The following NUB1 variants were observed in gnomAD, a reference collection of about 807,000 sequenced individuals.
The protein encoded by NUB1 is negative regulator of ubiquitin like proteins 1, also known as NEDD8 ultimate buster 1.
NUB1 carries 41 observed loss-of-function variants against 77.1 expected under a neutral mutation model. The observed-to-expected ratio is 0.53, with a 90% CI of 0.41 to 0.69. The LOEUF (loss-of-function observed/expected upper bound fraction) is 0.69, where lower values mean the gene tolerates loss of function less well. NUB1 is among the 30% of genes least tolerant of loss of function. The pLI, the probability that NUB1 is intolerant of heterozygous loss-of-function variation, is 0.00. For missense variants in NUB1, 643 were observed against 743.8 expected (o/e 0.86, Z 1.58); for synonymous variants, 257 against 281.0 (o/e 0.91, Z 0.85).
At position 151,377,165 on chromosome 7, in the gene NUB1, T is replaced by G; in HGVS notation, c.1788T>G (p.Ile596Met). 1 of 1,590,420 alleles carries G rather than the reference T, an allele frequency of 6.3e-7. No homozygotes were observed. Among genetic ancestry groups the G allele is most frequent in the Non-Finnish European group, 8.6e-7 (1 of 1,167,050 alleles). ...YLDSTLEDEEIIIAEYLSYVE... is the reference protein window; with the variant it reads ...YLDSTLEDEEMIIAEYLSYVE... The stretch of plus-strand genomic sequence containing the variant: ...ACTCAACTCTGGAAGATGAAGAAAT[T>G]ATTATTGCAGAGTACCTATCCTATG... Residue 596 changes from isoleucine to methionine, a missense_variant, in exon 15 of 15, where the codon ATT becomes ATG. Coordinates refer to ENST00000568733, the MANE Select transcript of NUB1 (RefSeq NM_001243351.2).
intron 3 of NUB1, chr7:151,351,203 C>G (rs1563012646): frequency 3.7e-6 from 2 of 535,598 alleles, no homozygotes; most frequent in East Asian, 6.9e-5. Flanking sequence ...TCTGAGCAGC[C>G]CTGCCTGGTG....
At chr7:151,346,614 G>A (rs438559) in intron 2 of NUB1, among the ~76,000 whole-genome samples, 117,406 of 152,126 alleles carry the variant, frequency 0.77, 45,549 homozygotes, top group East Asian at 0.98. Context: ...AAACCCCTAA[G>A]TGACAGATTT....
At chr7:151,352,369 GAGTC>G (rs1212945384) in intron 4 of NUB1, 5 of 297,802 alleles carry the variant, frequency 1.7e-5, no homozygotes, top group South Asian at 1.2e-4. Flanking sequence ...TGATGTTTGT[GAGTC>G]AGTCAGTTGA....
chr7:151,357,135 G>A (rs1237314049), intron 7 of NUB1, among the ~76,000 whole-genome samples: 4 of 151,352 alleles, frequency 2.6e-5, no homozygotes, highest in Non-Finnish European at 5.9e-5. Context: ...TCCCGCCTCC[G>A]CCTTCTGGGT....
chr7:151,368,915 C>T lies in NUB1; in HGVS notation c.1248+28C>T, dbSNP rs746977497. On this transcript the variant is annotated intron_variant, in intron 11 of 14. Transcript: ENST00000568733. ...ACCCACTTTCACATGCCCTAGCTCT[C>T]TTGGGTATGAAAGAACAAAAAAAGA... 1.3e-5 allele frequency: 20 copies of T among 1,576,948 alleles called. No individual in the cohort carries two copies. In the East Asian group the frequency reaches 4.6e-4, roughly 36 times the overall value.
intron 8 of NUB1, among the ~76,000 whole-genome samples, chr7:151,363,111 G>T (rs955662580): frequency 6.6e-6 from 1 of 152,096 alleles, no homozygotes; most frequent in Non-Finnish European, 1.5e-5. Context: ...AAATTAGCAG[G>T]CATGCAAAGA....
At position 151,376,956 on chromosome 7, in the gene NUB1, A is replaced by C. The variant is rs980222857; in HGVS notation, c.1670-91A>C. On this transcript the variant is annotated intron_variant, in intron 14 of 14. Transcript: ENST00000568733. ...CGGCCACCTGGACAGTGTGGCCAGC[A>C]AGAGGCACAGTCTGAGGTTGACTGT... The C allele has an allele frequency of 2.8e-6, 4 of 1,414,984 alleles. No homozygotes were observed. In the African/African-American group the frequency reaches 4.3e-5, roughly 15 times the overall value. The allele number at this position is 1,414,984 out of a possible 1,614,324, so 87.7% of individuals were successfully genotyped here.
rs188759093 is a variant in NUB1, at chr7:151,364,019, C to T, written c.801-2920C>T. ...ATGTTGGCCAGGATGGTCTTGAACTCCTGACGTCAGGTGATCCGTCCGCCT... is the reference window on the plus strand; with the variant it reads ...ATGTTGGCCAGGATGGTCTTGAACTTCTGACGTCAGGTGATCCGTCCGCCT... On this transcript the variant is annotated intron_variant, in intron 8 of 14. Coordinates refer to ENST00000568733, the MANE Select transcript of NUB1 (RefSeq NM_001243351.2). 6.7e-3 allele frequency among the ~76,000 whole-genome samples: 1,021 copies of T among 151,698 alleles called. 11 individuals are homozygous for T. The highest frequency in any genetic ancestry group is 0.024 in the African/African-American group (989 of 41,430).
intron 2 of NUB1, 61 bp downstream of exon 2, chr7:151,345,527 T>A: frequency 3.2e-6 from 3 of 931,534 alleles, no homozygotes; most frequent in Non-Finnish European, 4.9e-6. Context: ...GTAAATAAGA[T>A]TCTGAATTGT....
At position 151,377,260 on chromosome 7, in the gene NUB1, T is replaced by C; in HGVS notation, c.*35T>C. 7.2e-7 allele frequency: 1 copy of C among 1,380,230 alleles called. No homozygotes were observed. Among genetic ancestry groups the C allele is most frequent in the Non-Finnish European group, 9.8e-7 (1 of 1,022,298 alleles). 85.5% of individuals were successfully genotyped at this position (1,380,230 alleles called of 1,614,324 possible). The stretch of plus-strand genomic sequence containing the variant: ...AGAAATAGCGCTAATTTTCTGCTTA[T>C]AAATGCTATCATTATGAAAAGGCTA... On this transcript the variant is annotated 3_prime_UTR_variant, in exon 15 of 15. Transcript: ENST00000568733.
At position 151,377,070 on chromosome 7, in the gene NUB1, G is replaced by A. The variant is rs776090112; in HGVS notation, c.1693G>A (p.Glu565Lys). 8.9e-6 allele frequency: 14 copies of A among 1,565,974 alleles called. No homozygotes were observed. Among genetic ancestry groups the A allele is most frequent in the African/African-American group, 5.5e-5 (4 of 73,126 alleles). Residue 565 changes from glutamate (E) to lysine (K), a missense_variant, in exon 15 of 15, where the codon GAA (glutamate) becomes AAA (lysine). Transcript: ENST00000568733. ...SAGTSSASTD[E>K]DMETEAVNEI... ...AGGAACCTCTAGTGCCTCAACAGACGAAGACATGGAGACAGAGGCCGTCAA... is the reference window on the plus strand; with the variant it reads ...AGGAACCTCTAGTGCCTCAACAGACAAAGACATGGAGACAGAGGCCGTCAA...
intron 8 of NUB1, chr7:151,361,342 G>A (rs1237334831): frequency 1.3e-5 from 2 of 152,172 alleles, no homozygotes; most frequent in African/African-American, 4.8e-5. Flanking sequence ...AAACTTCAGT[G>A]CTTAAATTGG....
chr7:151,349,906 C>T (rs1796704014), intron 3 of NUB1, among the ~76,000 whole-genome samples: 1 of 152,198 alleles, frequency 6.6e-6, no homozygotes, highest in South Asian at 2.1e-4. Context: ...ACCACCTAGA[C>T]GCGGAAACCG....
chr7:151,367,184 T>C (rs1012526115), intron 9 of NUB1, 59 bp downstream of exon 9: 16 of 1,421,656 alleles, frequency 1.1e-5, no homozygotes, highest in Non-Finnish European at 1.5e-5. Flanking sequence ...TTTGTGTTTA[T>C]TCCTGTTAAA....
chr7:151,371,422 C>T (rs760694280), intron 11 of NUB1, among the ~76,000 whole-genome samples: 4 of 136,846 alleles, frequency 2.9e-5, no homozygotes, highest in Non-Finnish European at 6.1e-5. Context: ...ATCTGTGTCC[C>T]AGAATCCTCA....
At chr7:151,367,790 C>T (rs576546661) in intron 9 of NUB1, 71 bp from the exon 10 acceptor site, 41 of 962,210 alleles carry the variant, frequency 4.3e-5, no homozygotes, top group Non-Finnish European at 6.3e-5. Flanking sequence ...AAGGGAATGA[C>T]AGAGATGAGT....
chr7:151,377,023 T>TA, intron 14 of NUB1, 24 bp from the exon 15 acceptor site: 1 of 1,511,554 alleles, frequency 6.6e-7, no homozygotes, highest in African/African-American at 1.4e-5. Context: ...ATAATTCACT[T>TA]ACTCCTGCGG....
At chr7:151,344,180 CAAAAAAAAAAAAAAAAAAAA>C (rs561127147) in intron 1 of NUB1, among the ~76,000 whole-genome samples, 3 of 45,646 alleles carry the variant, frequency 6.6e-5, no homozygotes. Context: ...GACTCCCTCT[CAAAAAAAAAAAAAAAAAAAA>C]AAAAAAAAAA....
At chr7:151,373,177 C>T (rs1285365972) in intron 11 of NUB1, among the ~76,000 whole-genome samples, 1 of 152,170 alleles carries the variant, frequency 6.6e-6, no homozygotes, top group South Asian at 2.1e-4. Context: ...CCCCCGTCCT[C>T]GCTGCTGCTG....
Sources: gnomAD v4.1 joint callset for allele counts (sites outside exome capture counted in the v4.1 genomes callset) on GRCh38, gnomAD v4.1.1 for gene constraint, MANE v1.5 for transcripts, NCBI Gene and HGNC (gene_info 2026-07-23, HGNC 2026-07-21) for gene names.